Variants in HDAC9 observed in about 807,000 individuals in gnomAD.
HDAC9 encodes histone deacetylase 9, also known as MEF-2 interacting transcription repressor (MITR) protein.
HDAC9 carries 41 observed loss-of-function variants against 139.4 expected under a neutral mutation model. The observed-to-expected ratio is 0.29, with a 90% confidence interval of 0.23 to 0.38. The LOEUF is 0.38. Among genes scored for constraint, HDAC9 ranks in the 10% least tolerant of loss-of-function variants. The pLI, the probability that HDAC9 is intolerant of heterozygous loss-of-function variation, is 1.00. For missense variants in HDAC9, 1,147 were observed against 1,297.0 expected (o/e 0.88, Z 1.78); for synonymous variants, 517 against 476.2 (o/e 1.09, Z -1.12).
chr7:18,474,323 A>G (rs1406564141), intron 1 of HDAC9, among the ~76,000 whole-genome samples: 1 of 152,228 alleles, frequency 6.6e-6, no homozygotes, highest in African/African-American at 2.4e-5. Flanking sequence ...AAATATCAGC[A>G]GCATCCAAGG....
intron 25 of HDAC9, among the ~76,000 whole-genome samples, chr7:18,984,456 G>C (rs1161497208): frequency 1.3e-5 from 2 of 151,004 alleles, no homozygotes; most frequent in African/African-American, 2.4e-5. Context: ...AGCTTTCACA[G>C]AGAGAGAGAG....
chr7:18,398,384 C>G (rs2128730789), intron 1 of HDAC9, among the ~76,000 whole-genome samples: 1 of 152,236 alleles, frequency 6.6e-6, no homozygotes, highest in South Asian at 2.1e-4. Flanking sequence ...CATTGTGAAA[C>G]AAAATAAGAT....
At chr7:18,210,629 A>C (rs1018457102) in intron 2 of HDAC9, among the ~76,000 whole-genome samples, 1 of 152,214 alleles carries the variant, frequency 6.6e-6, no homozygotes, top group Admixed American at 6.5e-5. Context: ...GTTTTTAGGC[A>C]CTTGCTATAT....
intron 2 of HDAC9, among the ~76,000 whole-genome samples, chr7:18,182,798 A>G (rs1278600125): frequency 6.6e-6 from 1 of 152,200 alleles, no homozygotes; most frequent in Non-Finnish European, 1.5e-5. Flanking sequence ...GCTTGAGAAT[A>G]AGGCTGATGA....
At chr7:18,570,774 T>G (rs1824027009) in intron 2 of HDAC9, among the ~76,000 whole-genome samples, 1 of 152,368 alleles carries the variant, frequency 6.6e-6, no homozygotes, top group Admixed American at 6.5e-5. Context: ...AACAAATGAA[T>G]GAATATTTAC....
intron 2 of HDAC9, among the ~76,000 whole-genome samples, chr7:18,522,210 G>A (rs1805273445): frequency 6.6e-6 from 1 of 152,102 alleles, no homozygotes; most frequent in South Asian, 2.1e-4. Flanking sequence ...GGCTAAGTTG[G>A]CTCCACTAAG....
At chr7:18,648,050 G>A in intron 10 of HDAC9, 52 bp downstream of exon 10, 2 of 1,368,314 alleles carry the variant, frequency 1.5e-6, no homozygotes, top group Non-Finnish European at 2.0e-6. Context: ...TATTTTATTA[G>A]TGATCCAGGA....
chr7:18,739,401 A>C (rs1335009960), intron 13 of HDAC9, among the ~76,000 whole-genome samples: 1 of 152,160 alleles, frequency 6.6e-6, no homozygotes, highest in Non-Finnish European at 1.5e-5. Flanking sequence ...TTGTGGTTTT[A>C]TCTACCTTTG....
intron 22 of HDAC9, among the ~76,000 whole-genome samples, chr7:18,912,254 C>G (rs561350864): frequency 1.3e-5 from 2 of 151,950 alleles, no homozygotes; most frequent in Admixed American, 6.6e-5. Context: ...GATGAGCGAG[C>G]TTTAGGGAGT....
At chr7:18,589,336 G>T (rs1350733374) in intron 3 of HDAC9, among the ~76,000 whole-genome samples, 1 of 152,036 alleles carries the variant, frequency 6.6e-6, no homozygotes, top group Non-Finnish European at 1.5e-5. Flanking sequence ...GACTAGCCTG[G>T]GGAACATGGC....
At chr7:18,266,033 G>A (rs548295427) in intron 2 of HDAC9, among the ~76,000 whole-genome samples, 1 of 151,990 alleles carries the variant, frequency 6.6e-6, no homozygotes, top group Non-Finnish European at 1.5e-5. Flanking sequence ...AAAATTTGTT[G>A]GTCTATCTTG....
intron 25 of HDAC9, among the ~76,000 whole-genome samples, chr7:18,978,647 T>C (rs973765604): frequency 6.6e-6 from 1 of 152,174 alleles, no homozygotes; most frequent in Non-Finnish European, 1.5e-5. Flanking sequence ...GAAAATTAAA[T>C]ATATACGTCT....
chr7:18,942,818 A>G (rs1040780933), intron 23 of HDAC9, among the ~76,000 whole-genome samples: 7 of 151,994 alleles, frequency 4.6e-5, no homozygotes, highest in African/African-American at 1.7e-4. Context: ...AATTAGGACT[A>G]CTACTTGGAC....
chr7:18,157,599 G>A (rs1252091460), intron 1 of HDAC9, among the ~76,000 whole-genome samples: 3 of 152,196 alleles, frequency 2.0e-5, no homozygotes, highest in Non-Finnish European at 4.4e-5. Flanking sequence ...ATATTTTTAA[G>A]AGGTCAGTGT....
chr7:18,107,170 C>T (rs1401824380), intron 1 of HDAC9, among the ~76,000 whole-genome samples: 1 of 151,984 alleles, frequency 6.6e-6, no homozygotes, highest in Non-Finnish European at 1.5e-5. Flanking sequence ...AGGAGCAAAC[C>T]TAGGGTGTTT....
chr7:18,835,248 A>G lies in HDAC9; in HGVS notation c.2467-219A>G, dbSNP rs538123799. On this transcript the variant is annotated intron_variant, in intron 19 of 25. Coordinates refer to ENST00000686413, the MANE Select transcript of HDAC9 (RefSeq NM_178425.4). ...TTCCTGATTTTTAGAAGCCAGTTTA[A>G]AAAATGAGTGCATTAAAGGGTAATT... 5.5e-4 allele frequency among the ~76,000 whole-genome samples: 84 copies of G among 152,314 alleles called. 1 individual carries two copies. In the South Asian group the frequency reaches 0.015, roughly 27 times the overall value.
intron 15 of HDAC9, among the ~76,000 whole-genome samples, chr7:18,765,512 G>T (rs187151868): frequency 2.6e-5 from 4 of 152,050 alleles, no homozygotes; most frequent in Middle Eastern, 3.4e-3. Context: ...CCCAACTGAC[G>T]GGAGGCTGAG....
rs1472795387 is a variant in HDAC9 at position 18,954,244 on chromosome 7, G to C, written c.3022+14G>C. ...TTGAAATTCAAAGTATGTCTTTAAA[G>C]TTCTCTTAAAAATTCTAAGCAGGTA... On this transcript the variant is annotated intron_variant, in intron 24 of 25. Transcript: ENST00000686413. The C allele has an allele frequency of 7.1e-7, 1 of 1,415,430 alleles. No homozygotes were observed. The highest frequency in any genetic ancestry group is 9.8e-7 in the Non-Finnish European group (1 of 1,022,470). 87.7% of individuals were successfully genotyped at this position (1,415,430 alleles called of 1,614,324 possible).
intron 1 of HDAC9, among the ~76,000 whole-genome samples, chr7:18,103,816 A>G (rs1241331561): frequency 6.7e-6 from 1 of 148,530 alleles, no homozygotes; most frequent in African/African-American, 2.5e-5. Flanking sequence ...AATATTTCTA[A>G]TATAAAACAT....
Sources: gnomAD v4.1 joint callset for allele counts (sites outside exome capture counted in the v4.1 genomes callset) on GRCh38, gnomAD v4.1.1 for gene constraint, MANE v1.5 for transcripts, NCBI Gene and HGNC (gene_info 2026-07-23, HGNC 2026-07-21) for gene names.